GOLPH3L: variants seen among roughly 807,000 people sequenced by gnomAD.
GOLPH3L encodes golgi phosphoprotein 3 like.
Under a neutral mutation model 30.3 loss-of-function variants are expected in GOLPH3L, and 22 were observed. The observed-to-expected ratio is 0.73, with a 90% confidence interval of 0.52 to 1.04. The LOEUF (loss-of-function observed/expected upper bound fraction) is 1.04, where lower values mean the gene tolerates loss of function less well. Ranked by LOEUF, GOLPH3L falls within the 50% of genes least tolerant of loss-of-function variation. GOLPH3L has a pLI of 0.00. For synonymous variants in GOLPH3L, 120 were observed against 128.2 expected, an observed-to-expected ratio of 0.94 and a Z score of 0.43; for missense variants, 303 against 345.8, an observed-to-expected ratio of 0.88 and a Z score of 0.98.
At chr1:150,657,200 G>C (rs1650258652) in intron 4 of GOLPH3L, among the ~76,000 whole-genome samples, 1 of 152,242 alleles carries the variant, frequency 6.6e-6, no homozygotes, top group Non-Finnish European at 1.5e-5. Context: ...GGAGTAGAAT[G>C]CACCCTTTTT....
At chr1:150,676,479 G>T (rs1048969067) in intron 2 of GOLPH3L, among the ~76,000 whole-genome samples, 1 of 151,232 alleles carries the variant, frequency 6.6e-6, no homozygotes, top group Non-Finnish European at 1.5e-5. Context: ...TTTAAAAAAA[G>T]AACTGTAATA....
In GOLPH3L at chr1:150,663,631, C is replaced by T; in HGVS notation, c.315+1G>A. ...ATGGACGTTCACAGAGGATTCAGTA[C>T]CTTTCTGTCTAGTAGTCGCTTCTTA... On this transcript the variant is annotated splice_donor_variant, in intron 3 of 4. Coordinates refer to ENST00000271732, the MANE Select transcript of GOLPH3L (RefSeq NM_018178.6). LOFTEE classifies it high-confidence loss of function. 1 of 1,610,676 alleles carries T rather than the reference C, an allele frequency of 6.2e-7. No homozygotes were observed. The highest frequency in any genetic ancestry group is 8.5e-7 in the Non-Finnish European group (1 of 1,177,622).
chr1:150,696,479 G>A (rs1440026426), intron 1 of GOLPH3L, among the ~76,000 whole-genome samples: 1 of 151,782 alleles, frequency 6.6e-6, no homozygotes, highest in African/African-American at 2.4e-5. Context: ...TGTCTTCTTG[G>A]GTTTATATAT....
At chr1:150,664,642 C>T (rs971441916) in intron 2 of GOLPH3L, among the ~76,000 whole-genome samples, 6 of 151,902 alleles carry the variant, frequency 3.9e-5, no homozygotes, top group Admixed American at 2.6e-4. Flanking sequence ...TTAGTAGAGA[C>T]GGGATTTCAC....
rs587664925 is a variant in GOLPH3L, at chr1:150,655,027, C to T, written c.431-6279G>A. ...CGTATAGCACAGCTCCTGATTGTACCGTATGTGGAAATGGGGAAAAGTGAA... is the reference window on the plus strand; with the variant it reads ...CGTATAGCACAGCTCCTGATTGTACTGTATGTGGAAATGGGGAAAAGTGAA... On this transcript the variant is annotated intron_variant, in intron 4 of 4. Transcript: ENST00000271732. Among the ~76,000 whole-genome samples the T allele has an allele frequency of 1.8e-4, 27 of 152,170 alleles. 1 individual carries two copies. The highest frequency in any genetic ancestry group is 1.3e-3 in the Admixed American group (20 of 15,284).
At position 150,648,684 on chromosome 1, in the gene GOLPH3L, C is replaced by G; in HGVS notation, c.495G>C (p.Lys165Asn). Residue 165 changes from lysine (K) to asparagine (N), a missense_variant, in exon 5 of 5, where the codon AAG (lysine) becomes AAC (asparagine). By Grantham distance (94) the Lys-to-Asn change is moderately conservative. Transcript: ENST00000271732. ...QLRNVRERIA[K>N]NLVEKGILTT... is the part of the protein sequence containing the mutation. ...TTAGAATACCTTTCTCTACTAGGTT[C>G]TTTGCGATGCGCTCTCGTACATTTC... 6.2e-7 allele frequency: 1 copy of G among 1,612,466 alleles called. No homozygotes were observed. Among genetic ancestry groups the G allele is most frequent in the Non-Finnish European group, 8.5e-7 (1 of 1,178,536 alleles).
At chr1:150,685,171 G>C (rs755641834) in intron 2 of GOLPH3L, among the ~76,000 whole-genome samples, 82 of 152,162 alleles carry the variant, frequency 5.4e-4, no homozygotes, top group African/African-American at 2.0e-3. Context: ...TGGAAAATTT[G>C]AAGTAAAAAT....
At chr1:150,652,402 AAAAAAAC>A (rs1650140475) in intron 4 of GOLPH3L, among the ~76,000 whole-genome samples, 1 of 149,686 alleles carries the variant, frequency 6.7e-6, no homozygotes, top group Admixed American at 6.7e-5. Flanking sequence ...AAAAAAAAAA[AAAAAAAC>A]CCTAAAAAAA....
At chr1:150,662,885 A>G (rs1442670139) in intron 3 of GOLPH3L, among the ~76,000 whole-genome samples, 1 of 152,180 alleles carries the variant, frequency 6.6e-6, no homozygotes, top group East Asian at 1.9e-4. Flanking sequence ...TTGTGAGTGG[A>G]AAAATTCAGT....
intron 2 of GOLPH3L, among the ~76,000 whole-genome samples, chr1:150,668,470 C>T (rs1283940367): frequency 6.6e-6 from 1 of 152,272 alleles, no homozygotes; most frequent in Middle Eastern, 3.4e-3. Context: ...GCAACCTCCA[C>T]CTCCCTGGTT....
intron 2 of GOLPH3L, among the ~76,000 whole-genome samples, chr1:150,675,744 C>G (rs1375409481): frequency 6.9e-6 from 1 of 144,082 alleles, no homozygotes; most frequent in Non-Finnish European, 1.5e-5. Flanking sequence ...CCACTACACC[C>G]CAGCCTGGGC....
chr1:150,675,976 CT>C lies in GOLPH3L; in HGVS notation c.184-12214del, dbSNP rs201186737. ...AACTCCTCCCTCCCTCCCTCCCTTC[CT>C]TTTTTTTTTTGTGTCTCCCTTTGTC... On this transcript the variant is annotated intron_variant, in intron 2 of 4. Coordinates refer to ENST00000271732, the MANE Select transcript of GOLPH3L (RefSeq NM_018178.6). 8.4e-3 allele frequency among the ~76,000 whole-genome samples: 1,197 copies of C among 141,870 alleles called. 9 individuals carry two copies. The highest frequency in any genetic ancestry group is 0.011 in the Non-Finnish European group (723 of 64,638). 93.1% of individuals were successfully genotyped at this position (141,870 alleles called of 152,430 possible). A position where few individuals can be genotyped will look rare whatever the true frequency, so the allele number is the denominator to read the frequency against.
rs587699353 is a variant in GOLPH3L at position 150,695,300 on chromosome 1, C to T, written c.-12-450G>A. 4.6e-5 allele frequency among the ~76,000 whole-genome samples: 7 copies of T among 152,206 alleles called. 1 individual carries two copies. In the South Asian group the frequency reaches 1.5e-3, roughly 32 times the overall value. ...TACAGGTGTGCGCCACCATGTCTGG[C>T]TAATTTTTGTATTTTTAGTAGAGAT... On this transcript the variant is annotated intron_variant, in intron 1 of 4. Coordinates refer to ENST00000271732, the MANE Select transcript of GOLPH3L (RefSeq NM_018178.6).
chr1:150,649,804 A>G (rs1176287626), intron 4 of GOLPH3L, among the ~76,000 whole-genome samples: 1 of 152,054 alleles, frequency 6.6e-6, no homozygotes, highest in African/African-American at 2.4e-5. Context: ...AGCTACCCTA[A>G]CTCAGAGGCA....
At chr1:150,661,025 C>T (rs936406211) in intron 4 of GOLPH3L, among the ~76,000 whole-genome samples, 5 of 152,076 alleles carry the variant, frequency 3.3e-5, no homozygotes, top group South Asian at 2.1e-4. Context: ...GTCAAGAGTT[C>T]GAGACAAGCC....
In GOLPH3L at chr1:150,664,136, C is replaced by G. The variant is rs887452651; in HGVS notation, c.184-373G>C. 4.0e-5 allele frequency among the ~76,000 whole-genome samples: 6 copies of G among 151,406 alleles called. No homozygotes were observed. In the South Asian group the frequency reaches 8.4e-4, roughly 21 times the overall value. ...ACCTCAGCCTCCTGAGTAGCTGGGA[C>G]TACAGGTATGTGCCACCATGCCTGG... On this transcript the variant is annotated intron_variant, in intron 2 of 4. Coordinates refer to ENST00000271732, the MANE Select transcript of GOLPH3L (RefSeq NM_018178.6).
chr1:150,662,430 A>C (rs202080869), intron 3 of GOLPH3L, among the ~76,000 whole-genome samples: 1 of 152,154 alleles, frequency 6.6e-6, no homozygotes, highest in African/African-American at 2.4e-5. Flanking sequence ...TTTTGGGGAA[A>C]GGTTGATAAT....
Position 150,647,015 on chromosome 1 carries a change from C to T in GOLPH3L, c.*1306G>A, listed in dbSNP as rs1413426433. On this transcript the variant is annotated 3_prime_UTR_variant, in exon 5 of 5. Coordinates refer to ENST00000271732, the MANE Select transcript of GOLPH3L (RefSeq NM_018178.6). ...GGTTTTACTGAAATAAGACTGATGA[C>T]TAGGAGCACATCTATGGATTAAATA... is the stretch of plus-strand genomic sequence containing the variant. 1 of 152,144 alleles carries T rather than the reference C, an allele frequency of 6.6e-6. No individual in the cohort carries two copies. The allele number at this position is 152,144 out of a possible 1,614,324, so 9.4% of individuals were successfully genotyped here.
At chr1:150,694,891 A>T in intron 1 of GOLPH3L, 41 bp from the exon 2 acceptor site, 1 of 1,054,590 alleles carries the variant, frequency 9.5e-7, no homozygotes, top group Non-Finnish European at 1.4e-6. Flanking sequence ...ATGTATGCTT[A>T]TGTAAATAAA....
Sources: gnomAD v4.1 joint callset for allele counts (sites outside exome capture counted in the v4.1 genomes callset) on GRCh38, gnomAD v4.1.1 for gene constraint, MANE v1.5 for transcripts, NCBI Gene and HGNC (gene_info 2026-07-23, HGNC 2026-07-21) for gene names.